The following NDUFAF6 variants were observed in gnomAD, a reference collection of about 807,000 sequenced individuals.
NDUFAF6 encodes the protein NADH dehydrogenase (ubiquinone) complex I, assembly factor 6.
Under a neutral mutation model 40.8 loss-of-function variants are expected in NDUFAF6, and 45 were observed. The ratio of observed to expected loss-of-function variants is 1.10; its 90% CI spans 0.87 to 1.42. NDUFAF6 has a LOEUF of 1.42. Ranked by LOEUF, NDUFAF6 falls within the 40% of genes most tolerant of loss-of-function variation. The probability of loss-of-function intolerance (pLI) is 0.00; values close to 1 mark genes in which losing one functional copy is unlikely to be tolerated. For synonymous variants in NDUFAF6, 185 were observed against 155.9 expected, an observed-to-expected ratio of 1.19 and a Z score of -1.39; for missense variants, 435 against 418.5, an observed-to-expected ratio of 1.04 and a Z score of -0.34.
At chr8:94,930,283 T>G in intron 1 of NDUFAF6, 1 of 661,732 alleles carries the variant, frequency 1.5e-6, no homozygotes, top group Non-Finnish European at 2.4e-6. Flanking sequence ...ACAAAAAAAG[T>G]AAATGTTAAA....
chr8:95,115,081 T>C (rs1416118419), intron 4 of NDUFAF6, among the ~76,000 whole-genome samples: 1 of 151,352 alleles, frequency 6.6e-6, no homozygotes, highest in Non-Finnish European at 1.5e-5. Context: ...AAAAAGTGTC[T>C]ATTGAGATAG....
chr8:94,936,684 C>G (rs1288112501), intron 1 of NDUFAF6, among the ~76,000 whole-genome samples: 1 of 152,034 alleles, frequency 6.6e-6, no homozygotes, highest in Non-Finnish European at 1.5e-5. Flanking sequence ...GAGCACAACC[C>G]TACGGAAATT....
chr8:94,923,273 C>A (rs1819627713), intron 1 of NDUFAF6, among the ~76,000 whole-genome samples: 1 of 152,184 alleles, frequency 6.6e-6, no homozygotes, highest in South Asian at 2.1e-4. Flanking sequence ...GTCTGTGGAA[C>A]TGTTAGGTCC....
chr8:95,035,291 C>T (rs1158796652), intron 2 of NDUFAF6, among the ~76,000 whole-genome samples, 163 bp from the exon 3 acceptor site: 2 of 152,108 alleles, frequency 1.3e-5, no homozygotes, highest in African/African-American at 2.4e-5. Context: ...CAGTAAAATT[C>T]TCTCTTTGTT....
intron 1 of NDUFAF6, among the ~76,000 whole-genome samples, chr8:94,908,770 A>T (rs1018598573): frequency 2.0e-5 from 3 of 152,148 alleles, no homozygotes; most frequent in African/African-American, 7.2e-5. Flanking sequence ...ATTTTGCCAG[A>T]TTTATAGCTG....
intron 2 of NDUFAF6, among the ~76,000 whole-genome samples, chr8:95,102,780 A>G (rs1475057450): frequency 1.3e-5 from 2 of 152,166 alleles, no homozygotes; most frequent in Non-Finnish European, 2.9e-5. Context: ...TGGAACCAGG[A>G]AGCAAACTGT....
At chr8:95,061,137 C>G (rs1385498562), downstream of NDUFAF6, among the ~76,000 whole-genome samples, 2 of 152,120 alleles carry the variant, frequency 1.3e-5, no homozygotes, top group East Asian at 3.9e-4. Context: ...TATGTCAAGA[C>G]TCTTGATTTT....
At chr8:94,918,347 G>A (rs1272372634) in intron 1 of NDUFAF6, among the ~76,000 whole-genome samples, 4 of 152,122 alleles carry the variant, frequency 2.6e-5, no homozygotes, top group Non-Finnish European at 5.9e-5. Flanking sequence ...TGCAGAGTAG[G>A]CCCTGGGAGA....
At chr8:94,936,088 A>G (rs571604611) in intron 1 of NDUFAF6, among the ~76,000 whole-genome samples, 8 of 152,322 alleles carry the variant, frequency 5.3e-5, no homozygotes, top group African/African-American at 1.9e-4. Flanking sequence ...CTCAGTAACA[A>G]CTACTAGCAC....
intron 1 of NDUFAF6, chr8:94,927,037 C>T: frequency 6.6e-6 from 1 of 152,334 alleles, no homozygotes; most frequent in Non-Finnish European, 1.5e-5. Flanking sequence ...TTTAAAGTAA[C>T]ATTACAAACA....
chr8:94,932,975 G>A (rs1217012456), intron 1 of NDUFAF6, among the ~76,000 whole-genome samples: 1 of 152,198 alleles, frequency 6.6e-6, no homozygotes, highest in Non-Finnish European at 1.5e-5. Flanking sequence ...CCAGAACTTT[G>A]GGAGGTCAAG....
In NDUFAF6 at chr8:95,045,417, T is replaced by C. The variant is rs79475201; in HGVS notation, c.478-128T>C. On this transcript the variant is annotated intron_variant, in intron 4 of 8. Transcript: ENST00000396124. ...TTCAATATTGTAATGTTTTATCTTA[T>C]TGTGTACTAAATAACATATACTGAA... 155 of 683,890 alleles carry C rather than the reference T, an allele frequency of 2.3e-4. No individual in the cohort carries two copies. In the African/African-American group the frequency reaches 2.6e-3, roughly 12 times the overall value. The allele number at this position is 683,890 out of a possible 1,614,324, so 42.4% of individuals were successfully genotyped here.
chr8:95,075,630 C>T (rs1291709867), intron 9 of NDUFAF6: 1 of 1,288,368 alleles, frequency 7.8e-7, no homozygotes, highest in Non-Finnish European at 1.0e-6. Flanking sequence ...TTCCTCTCTG[C>T]AGGAAATTAA....
rs73276483 is a variant in NDUFAF6, at chr8:95,045,297, A to T, written c.478-248A>T. ...ATAACTTGGGCTTCAGATGAAATTT[A>T]AAAAAAATGCCATGTCCATGGTGAT... is the stretch of plus-strand genomic sequence containing the variant. On this transcript the variant is annotated intron_variant, in intron 4 of 8. Coordinates refer to ENST00000396124, the MANE Select transcript of NDUFAF6 (RefSeq NM_152416.4). 0.013 allele frequency among the ~76,000 whole-genome samples: 2,039 copies of T among 152,030 alleles called. 32 individuals carry two copies. The highest frequency in any genetic ancestry group is 0.044 in the African/African-American group (1,838 of 41,482).
chr8:94,972,666 G>T (rs779843139), intron 1 of NDUFAF6, among the ~76,000 whole-genome samples: 13 of 151,538 alleles, frequency 8.6e-5, no homozygotes, highest in Non-Finnish European at 5.9e-5. Flanking sequence ...CAACGTGGGA[G>T]GATTGTGTGA....
chr8:95,058,494 C>G lies in NDUFAF6; in HGVS notation c.*557C>G. On this transcript the variant is annotated 3_prime_UTR_variant, in exon 9 of 9. Coordinates refer to ENST00000396124, the MANE Select transcript of NDUFAF6 (RefSeq NM_152416.4). The stretch of plus-strand genomic sequence containing the variant: ...TGTAAAAATTTATCCATGATAATAA[C>G]ATAACTTCTTTAAGGTTGGAGTGGC... 2 of 1,227,562 alleles carry G rather than the reference C, an allele frequency of 1.6e-6. No homozygotes were observed. Among genetic ancestry groups the G allele is most frequent in the Non-Finnish European group, 2.0e-6 (2 of 985,896 alleles). The allele number at this position is 1,227,562 out of a possible 1,614,324, so 76.0% of individuals were successfully genotyped here. A position where few individuals can be genotyped will look rare whatever the true frequency, so the allele number is the denominator to read the frequency against.
chr8:94,920,638 G>A (rs1178452353), intron 1 of NDUFAF6, among the ~76,000 whole-genome samples: 1 of 152,218 alleles, frequency 6.6e-6, no homozygotes, highest in East Asian at 1.9e-4. Flanking sequence ...CATGGCTGCT[G>A]TAGCCCAGTG....
At chr8:95,083,933 C>T (rs1322660752) in intron 2 of NDUFAF6, among the ~76,000 whole-genome samples, 1 of 152,042 alleles carries the variant, frequency 6.6e-6, no homozygotes, top group Non-Finnish European at 1.5e-5. Context: ...TTTTCCCATC[C>T]AAAATCACAG....
chr8:95,013,675 A>G (rs10100842), intron 2 of NDUFAF6, among the ~76,000 whole-genome samples: 21,767 of 152,094 alleles, frequency 0.14, 1,562 homozygotes, highest in Middle Eastern at 0.25. Flanking sequence ...CATCCTAGTT[A>G]TGGGGGAGAG....
Sources: allele counts gnomAD v4.1 joint callset (sites outside exome capture counted in the v4.1 genomes callset), GRCh38; gene constraint gnomAD v4.1.1; transcripts MANE v1.5; gene names NCBI Gene and HGNC (gene_info 2026-07-23, HGNC 2026-07-21).